SATB2: variants seen among roughly 807,000 people sequenced by gnomAD.
The protein encoded by SATB2 is DNA-binding protein SATB2.
Under a neutral mutation model 73.4 loss-of-function variants are expected in SATB2, and 1 was observed. The ratio of observed to expected loss-of-function variants is 0.01; its 90% confidence interval spans 0.00 to 0.06. The LOEUF (loss-of-function observed/expected upper bound fraction) is 0.06, where lower values mean the gene tolerates loss of function less well. SATB2 is among the 10% of genes least tolerant of loss of function. SATB2 has a pLI of 1.00. For missense variants in SATB2, 459 were observed against 945.8 expected (o/e 0.49, Z 6.75); for synonymous variants, 397 against 367.0 (o/e 1.08, Z -0.93).
At chr2:199,435,219 A>G (rs1691616722) in intron 2 of SATB2, among the ~76,000 whole-genome samples, 1 of 152,214 alleles carries the variant, frequency 6.6e-6, no homozygotes, top group South Asian at 2.1e-4. Flanking sequence ...GATTTAGGAC[A>G]GCTACACAAT....
In SATB2 at chr2:199,398,258, A is replaced by C. The variant is rs542619358; in HGVS notation, c.347-16438T>G. On this transcript the variant is annotated intron_variant, in intron 3 of 10. Transcript: ENST00000417098. ...GACTACTGCAGTAGAAAGAAAAAAC[A>C]AAAAGAGGATGAGCACTGGTAACCT... 2.6e-5 allele frequency among the ~76,000 whole-genome samples: 4 copies of C among 152,360 alleles called. 1 individual carries two copies. In the South Asian group the frequency reaches 6.2e-4, roughly 24 times the overall value.
intron 3 of SATB2, among the ~76,000 whole-genome samples, chr2:199,425,721 C>T (rs1252507269): frequency 6.6e-6 from 1 of 151,896 alleles, no homozygotes; most frequent in Non-Finnish European, 1.5e-5. Flanking sequence ...CATATTTATG[C>T]CAACATAAAC....
At chr2:199,328,623 G>A in intron 8 of SATB2, 75 bp downstream of exon 8, 1 of 1,078,234 alleles carries the variant, frequency 9.3e-7, no homozygotes, top group Non-Finnish European at 1.4e-6. Flanking sequence ...AATGTTTGAG[G>A]GAAAACACAG....
At chr2:199,369,451 C>T (rs761940698) in intron 5 of SATB2, among the ~76,000 whole-genome samples, 18 of 152,198 alleles carry the variant, frequency 1.2e-4, no homozygotes, top group Non-Finnish European at 2.4e-4. Flanking sequence ...TATAATTACA[C>T]ACCTTGAATT....
At chr2:199,282,267 A>G (rs549120200) in intron 10 of SATB2, among the ~76,000 whole-genome samples, 11 of 152,016 alleles carry the variant, frequency 7.2e-5, no homozygotes, top group Admixed American at 1.3e-4. Context: ...ATTCCTTTTT[A>G]GCAAAAGAAT....
chr2:199,378,625 T>C (rs781477253), intron 5 of SATB2, among the ~76,000 whole-genome samples: 1 of 152,110 alleles, frequency 6.6e-6, no homozygotes, highest in Non-Finnish European at 1.5e-5. Context: ...GGCAAAAATA[T>C]TAATAGCATA....
chr2:199,414,798 G>A (rs543334668), intron 3 of SATB2, among the ~76,000 whole-genome samples: 92 of 152,122 alleles, frequency 6.0e-4, no homozygotes, highest in African/African-American at 2.2e-3. Flanking sequence ...TCTCCCCAAG[G>A]ATCACAAACA....
At chr2:199,448,815 A>C (rs997111453) in intron 2 of SATB2, among the ~76,000 whole-genome samples, 7 of 152,070 alleles carry the variant, frequency 4.6e-5, no homozygotes, top group Non-Finnish European at 1.0e-4. Context: ...CTTTTTTGTT[A>C]TTTTACAGTT....
intron 3 of SATB2, among the ~76,000 whole-genome samples, chr2:199,425,668 A>C (rs762138022): frequency 2.0e-4 from 31 of 152,118 alleles, no homozygotes; most frequent in Non-Finnish European, 1.2e-4. Context: ...CCATCAGCTG[A>C]CCTTCATGTG....
chr2:199,366,132 G>A (rs879490748), intron 6 of SATB2, among the ~76,000 whole-genome samples: 5 of 152,096 alleles, frequency 3.3e-5, no homozygotes, highest in Non-Finnish European at 4.4e-5. Context: ...GCATAGAAGT[G>A]CATGTAAATT....
Position 199,328,679 on chromosome 2 carries a change from C to A in SATB2, c.1386+19G>T. 6.2e-7 allele frequency: 1 copy of A among 1,601,780 alleles called. No individual in the cohort carries two copies. Among genetic ancestry groups the A allele is most frequent in the South Asian group, 1.1e-5 (1 of 90,772 alleles). On this transcript the variant is annotated intron_variant, in intron 8 of 10. Transcript: ENST00000417098. ...TTTCCAAGACAAAGAGTGAAAAATACGGAAAGCAAGTTTCTCACCTGAGGG... is the reference window on the plus strand; with the variant it reads ...TTTCCAAGACAAAGAGTGAAAAATAAGGAAAGCAAGTTTCTCACCTGAGGG...
chr2:199,327,199 C>T (rs1418852880), intron 8 of SATB2, among the ~76,000 whole-genome samples: 2 of 152,028 alleles, frequency 1.3e-5, no homozygotes, highest in African/African-American at 4.8e-5. Flanking sequence ...CAGCACTTTG[C>T]AAGGCCGAGG....
At chr2:199,424,995 A>T (rs934973089) in intron 3 of SATB2, among the ~76,000 whole-genome samples, 1 of 152,222 alleles carries the variant, frequency 6.6e-6, no homozygotes, top group Admixed American at 6.5e-5. Flanking sequence ...ATCTTCTTAA[A>T]CCACAAACAA....
chr2:199,349,139 A>G lies in SATB2; in HGVS notation c.735T>C (p.Tyr245=). The G allele has an allele frequency of 1.9e-6, 3 of 1,613,928 alleles. No homozygotes were observed. Among genetic ancestry groups the G allele is most frequent in the East Asian group, 4.5e-5 (2 of 44,862 alleles). The change falls in exon 7 of 11, where the codon TAT becomes TAC. Residue 245 remains tyrosine (Y), a synonymous_variant. Coordinates refer to ENST00000417098, the MANE Select transcript of SATB2 (RefSeq NM_001172509.2). ...ERVERENLSD[Y]CVLGQRPMHL... ...GCATTGGACGCTGGCCCAGAACACA[A>G]TAGTCTGAAAGGTTTTCTCGTTCCA...
intron 3 of SATB2, among the ~76,000 whole-genome samples, chr2:199,419,683 G>A (rs1335238071): frequency 3.9e-5 from 6 of 152,120 alleles, no homozygotes; most frequent in Admixed American, 3.9e-4. Flanking sequence ...CATATATCTT[G>A]ATTTGTCAGA....
chr2:199,386,710 G>A lies in SATB2; in HGVS notation c.347-4890C>T, dbSNP rs867196224. Among the ~76,000 whole-genome samples the A allele has an allele frequency of 4.0e-4, 36 of 90,598 alleles. 1 individual carries two copies. The highest frequency in any genetic ancestry group is 1.4e-3 in the African/African-American group (34 of 23,472). The allele number at this position is 90,598 out of a possible 152,430, so 59.4% of individuals were successfully genotyped here. On this transcript the variant is annotated intron_variant, in intron 3 of 10. Transcript: ENST00000417098. ...CACGTGCGCAAGCGCGCGCGCGCGC[G>A]CGCGCGCACACACACACACACACAC...
chr2:199,285,883 T>TTG (rs1301195969), intron 10 of SATB2, among the ~76,000 whole-genome samples: 1 of 150,686 alleles, frequency 6.6e-6, no homozygotes, highest in Non-Finnish European at 1.5e-5. Context: ...GTCTGTTTTT[T>TTG]TTTTTTTTTT....
intron 3 of SATB2, among the ~76,000 whole-genome samples, chr2:199,429,441 A>T (rs1056768738): frequency 2.0e-5 from 3 of 152,182 alleles, no homozygotes; most frequent in Admixed American, 1.3e-4. Flanking sequence ...TTTATTAAAG[A>T]CACCTTTTCT....
intron 9 of SATB2, among the ~76,000 whole-genome samples, chr2:199,321,510 GTATATACACACATATACATA>G (rs1559160145): frequency 6.7e-6 from 1 of 149,310 alleles, no homozygotes; most frequent in East Asian, 2.0e-4. Flanking sequence ...ACACATACAT[GTATATACACACATATACATA>G]TATACATATA....
Sources: gnomAD v4.1 joint callset for allele counts (sites outside exome capture counted in the v4.1 genomes callset) on GRCh38, gnomAD v4.1.1 for gene constraint, MANE v1.5 for transcripts, NCBI Gene and HGNC (gene_info 2026-07-23, HGNC 2026-07-21) for gene names.